Variants in TRIM24 observed in about 807,000 individuals in gnomAD.
The protein encoded by TRIM24 is transcription intermediary factor 1-alpha.
Under a neutral mutation model 123.9 loss-of-function variants are expected in TRIM24, and 29 were observed. The ratio of observed to expected loss-of-function variants is 0.23; its 90% CI spans 0.17 to 0.32. The LOEUF (loss-of-function observed/expected upper bound fraction) is 0.32, where lower values mean the gene tolerates loss of function less well. TRIM24 is among the 10% of genes least tolerant of loss of function. The probability of loss-of-function intolerance (pLI) is 1.00; values close to 1 mark genes in which losing one functional copy is unlikely to be tolerated. For synonymous variants in TRIM24, 456 were observed against 461.1 expected (o/e 0.99, Z 0.14); for missense variants, 932 against 1,295.3 (o/e 0.72, Z 4.31).
At position 138,532,430 on chromosome 7, in the gene TRIM24, A is replaced by G. The variant is rs904827654; in HGVS notation, c.996+3200A>G. 1.4e-4 allele frequency among the ~76,000 whole-genome samples: 21 copies of G among 152,302 alleles called. No homozygotes were observed. In the East Asian group the frequency reaches 2.1e-3, roughly 15 times the overall value. On this transcript the variant is annotated intron_variant, in intron 6 of 18. Coordinates refer to ENST00000343526, the MANE Select transcript of TRIM24 (RefSeq NM_015905.3). ...AAGGGATCCAGTTTCAGCTTTCTAC[A>G]TATGGCTAGCCAGTTTTCCCAGCAC...
rs575388798 is a variant in TRIM24, at chr7:138,547,644, A to G, written c.1144-3419A>G. Among the ~76,000 whole-genome samples the G allele has an allele frequency of 7.9e-5, 12 of 152,302 alleles. No homozygotes were observed. The South Asian group carries it at 2.1e-3, about 26-fold the overall frequency. The stretch of plus-strand genomic sequence containing the variant: ...ACTGCTGCCTGGTAAACACTTTGCT[A>G]CATATTCTACCTAGTCCCAAAATAA... On this transcript the variant is annotated intron_variant, in intron 7 of 18. Coordinates refer to ENST00000343526, the MANE Select transcript of TRIM24 (RefSeq NM_015905.3).
intron 12 of TRIM24, among the ~76,000 whole-genome samples, chr7:138,574,327 G>A (rs563465134): frequency 6.6e-6 from 1 of 152,258 alleles, no homozygotes; most frequent in South Asian, 2.1e-4. Flanking sequence ...TATTACTTCT[G>A]AGGACGTAGG....
chr7:138,515,467 C>A, intron 3 of TRIM24, 108 bp downstream of exon 3: 1 of 1,258,770 alleles, frequency 7.9e-7, no homozygotes. Context: ...ATTAAATATA[C>A]TGTTTTAAGT....
intron 9 of TRIM24, among the ~76,000 whole-genome samples, chr7:138,564,566 A>G (rs1446152063): frequency 2.6e-5 from 4 of 152,242 alleles, no homozygotes; most frequent in Non-Finnish European, 4.4e-5. Context: ...CTGAGCCACA[A>G]GCATTTTGCA....
At chr7:138,567,443 A>G (rs1797557912) in intron 9 of TRIM24, 38 bp from the exon 10 acceptor site, 1 of 1,566,174 alleles carries the variant, frequency 6.4e-7, no homozygotes, top group Non-Finnish European at 8.6e-7. Flanking sequence ...TTTTCAGAAG[A>G]AGATTGTTAC....
intron 1 of TRIM24, among the ~76,000 whole-genome samples, chr7:138,499,091 A>G (rs905554976): frequency 2.0e-5 from 3 of 150,358 alleles, no homozygotes; most frequent in African/African-American, 7.3e-5. Context: ...TTTTTTTTTA[A>G]TTTTTTTTTA....
At chr7:138,501,887 CAAAAAAAA>C (rs561303066) in intron 1 of TRIM24, among the ~76,000 whole-genome samples, 2 of 136,522 alleles carry the variant, frequency 1.5e-5, no homozygotes, top group Non-Finnish European at 3.1e-5. Context: ...GACTCCGTCT[CAAAAAAAA>C]AAACCAGTAG....
intron 6 of TRIM24, among the ~76,000 whole-genome samples, chr7:138,533,344 A>C (rs887731772): frequency 6.6e-6 from 1 of 152,120 alleles, no homozygotes; most frequent in Non-Finnish European, 1.5e-5. Context: ...TATGATATTG[A>C]CTGTGGGTTT....
intron 11 of TRIM24, among the ~76,000 whole-genome samples, chr7:138,573,274 C>T (rs891136119): frequency 6.6e-6 from 1 of 152,034 alleles, no homozygotes; most frequent in Admixed American, 6.6e-5. Context: ...CCTTTTGACT[C>T]CTGTTTTTGA....
Position 138,579,413 on chromosome 7 carries a change from T to A in TRIM24, c.2466T>A (p.Asp822Glu), listed in dbSNP as rs1444985587. ...PLHVGETRKE[D>E]DPNEDWCAVC... ...ATGTTGGAGAGACAAGGAAAGAGGA[T>A]GACCCCAATGAGGACTGGTGTGCAG... Residue 822 changes from aspartate to glutamate, a missense_variant, in exon 15 of 19, where the codon GAT becomes GAA. Transcript: ENST00000343526. 1 of 1,614,024 alleles carries A rather than the reference T, an allele frequency of 6.2e-7. No individual in the cohort carries two copies. The highest frequency in any genetic ancestry group is 8.5e-7 in the Non-Finnish European group (1 of 1,180,020).
intron 1 of TRIM24, among the ~76,000 whole-genome samples, chr7:138,501,886 T>TC (rs1554435568): frequency 2.1e-5 from 3 of 144,416 alleles, no homozygotes; most frequent in African/African-American, 5.3e-5. Context: ...AGACTCCGTC[T>TC]CAAAAAAAAA....
intron 1 of TRIM24, among the ~76,000 whole-genome samples, chr7:138,463,883 T>C (rs908614206): frequency 6.6e-6 from 1 of 151,986 alleles, no homozygotes; most frequent in Admixed American, 6.6e-5. Flanking sequence ...TAAAGTTATC[T>C]TTAAAAAATT....
Position 138,585,120 on chromosome 7 carries a change from TTATCACTAAGAAAGAAAG to T in TRIM24, c.*170_*187del, listed in dbSNP as rs1219957877. The T allele has an allele frequency of 2.2e-6, 1 of 451,300 alleles. No homozygotes were observed. The highest frequency in any genetic ancestry group is 3.8e-6 in the Non-Finnish European group (1 of 262,420). 28.0% of individuals were successfully genotyped at this position (451,300 alleles called of 1,614,324 possible). On this transcript the variant is annotated 3_prime_UTR_variant, in exon 19 of 19. Transcript: ENST00000343526. ...TTAATAGCCCATTTCTGTTAACCTCTTATCACTAAGAAAGAAAGGAAAGAAGGAGATGAATAGAAGAAA... is the reference window on the plus strand; with the variant it reads ...TTAATAGCCCATTTCTGTTAACCTCTGAAAGAAGGAGATGAATAGAAGAAA...
intron 1 of TRIM24, among the ~76,000 whole-genome samples, chr7:138,498,573 ATATGT>A (rs1391815380): frequency 6.6e-6 from 1 of 152,108 alleles, no homozygotes; most frequent in Non-Finnish European, 1.5e-5. Context: ...ATTTTCCTGT[ATATGT>A]TATATCTTGG....
At chr7:138,542,280 T>C (rs560184583) in intron 7 of TRIM24, among the ~76,000 whole-genome samples, 1 of 152,340 alleles carries the variant, frequency 6.6e-6, no homozygotes, top group East Asian at 1.9e-4. Flanking sequence ...TTTTGATTAG[T>C]GAGAGTCATG....
intron 1 of TRIM24, among the ~76,000 whole-genome samples, chr7:138,463,048 T>TTTTG (rs1339850691): frequency 3.2e-5 from 4 of 126,002 alleles, no homozygotes; most frequent in African/African-American, 1.1e-4. Context: ...TTTGTGTTTT[T>TTTTG]TTTTTTTTTT....
chr7:138,505,863 T>G lies in TRIM24; in HGVS notation c.483+1455T>G, dbSNP rs559041319. Among the ~76,000 whole-genome samples, 20 of 152,280 alleles carry G rather than the reference T, an allele frequency of 1.3e-4. No homozygotes were observed. In the East Asian group the frequency reaches 3.9e-3, roughly 29 times the overall value. ...TCATGCATAATCTATAGTACTCCAG[T>G]GGGGGTTAGCCATGTTGAGATTAAT... On this transcript the variant is annotated intron_variant, in intron 2 of 18. Transcript: ENST00000343526.
In TRIM24 at chr7:138,585,983, G is replaced by A. The variant is rs775727673; in HGVS notation, c.*1032G>A. 1.8e-5 allele frequency: 9 copies of A among 486,826 alleles called. No homozygotes were observed. Among genetic ancestry groups the A allele is most frequent in the Non-Finnish European group, 3.7e-5 (9 of 243,000 alleles). 30.2% of individuals were successfully genotyped at this position (486,826 alleles called of 1,614,324 possible). On this transcript the variant is annotated 3_prime_UTR_variant, in exon 19 of 19. Coordinates refer to ENST00000343526, the MANE Select transcript of TRIM24 (RefSeq NM_015905.3). ...GTAGGATTTTGGGAGCAGGCAGCTG[G>A]GGGGAATTAATAGTGATTTTTTTTT...
Position 138,567,517 on chromosome 7 carries a change from A to C in TRIM24, c.1567A>C (p.Ser523Arg). 6.2e-7 allele frequency: 1 copy of C among 1,612,014 alleles called. No homozygotes were observed. The highest frequency in any genetic ancestry group is 8.5e-7 in the Non-Finnish European group (1 of 1,179,226). Residue 523 changes from serine (S) to arginine (R), a missense_variant, in exon 10 of 19, where the codon AGC becomes CGC. Coordinates refer to ENST00000343526, the MANE Select transcript of TRIM24 (RefSeq NM_015905.3). ...PPRLINFQNH[S>R]PKPNGPVLPP... The stretch of plus-strand genomic sequence containing the variant: ...ACGTTTGATAAACTTTCAGAATCAC[A>C]GCCCCAAACCCAATGGACCAGTTCT...
Sources: gnomAD v4.1 joint callset for allele counts (sites outside exome capture counted in the v4.1 genomes callset) on GRCh38, gnomAD v4.1.1 for gene constraint, MANE v1.5 for transcripts, NCBI Gene and HGNC (gene_info 2026-07-23, HGNC 2026-07-21) for gene names.